The following DOCK2 variants were observed in gnomAD, a reference collection of about 807,000 sequenced individuals.
DOCK2 encodes the protein dedicator of cytokinesis 2.
Under a neutral mutation model 248.9 loss-of-function variants are expected in DOCK2, and 87 were observed. The observed-to-expected ratio is 0.35, with a 90% CI of 0.29 to 0.42. The LOEUF (loss-of-function observed/expected upper bound fraction) is 0.42. Ranked by LOEUF, DOCK2 falls within the 10% of genes least tolerant of loss-of-function variation. The pLI is 1.00. For missense variants in DOCK2, 1,747 were observed against 2,300.2 expected (o/e 0.76, Z 4.92); for synonymous variants, 805 against 821.6 (o/e 0.98, Z 0.35).
intron 27 of DOCK2, among the ~76,000 whole-genome samples, chr5:169,878,426 A>G (rs1772452174): frequency 6.6e-6 from 1 of 152,250 alleles, no homozygotes; most frequent in South Asian, 2.1e-4. Flanking sequence ...AATTACAAAA[A>G]GTATTTAAAA....
At chr5:169,785,633 T>C (rs1366037868) in intron 25 of DOCK2, among the ~76,000 whole-genome samples, 1 of 152,226 alleles carries the variant, frequency 6.6e-6, no homozygotes, top group African/African-American at 2.4e-5. Context: ...TCTTCCAGTA[T>C]TGCTTAATTT....
intron 26 of DOCK2, among the ~76,000 whole-genome samples, chr5:169,829,155 G>T (rs1198870945): frequency 6.6e-6 from 1 of 152,062 alleles, no homozygotes; most frequent in Non-Finnish European, 1.5e-5. Flanking sequence ...TTGTGAAGCT[G>T]GGAAATGGAA....
chr5:169,912,721 TTA>T (rs1381912462), intron 27 of DOCK2, among the ~76,000 whole-genome samples: 4 of 152,134 alleles, frequency 2.6e-5, no homozygotes, highest in African/African-American at 9.7e-5. Flanking sequence ...GTGGTCCAGC[TTA>T]TTGTCCAATG....
intron 27 of DOCK2, among the ~76,000 whole-genome samples, chr5:169,955,626 A>G (rs1776834193): frequency 6.6e-6 from 1 of 152,198 alleles, no homozygotes; most frequent in African/African-American, 2.4e-5. Flanking sequence ...CCGTGTATGA[A>G]GCAGTATCAT....
Position 169,780,509 on chromosome 5 carries a change from G to A in DOCK2, c.2554+18884G>A, listed in dbSNP as rs754234861. ...CCTGTTCGTATTTGTTTCATCATAA[G>A]CCAAACAAAAGCACTGAGAATCCAT... On this transcript the variant is annotated intron_variant, in intron 25 of 51. Coordinates refer to ENST00000520908, the MANE Select transcript of DOCK2 (RefSeq NM_004946.3). Among the ~76,000 whole-genome samples the A allele has an allele frequency of 1.8e-4, 28 of 152,214 alleles. No individual in the cohort carries two copies. The Middle Eastern group carries it at 0.014, about 74-fold the overall frequency.
intron 25 of DOCK2, among the ~76,000 whole-genome samples, chr5:169,798,859 C>T (rs145609491): frequency 6.6e-6 from 1 of 152,350 alleles, no homozygotes; most frequent in East Asian, 1.9e-4. Context: ...GTAGGTCCAA[C>T]TGACCTCATT....
intron 43 of DOCK2, chr5:170,057,321 C>A: frequency 1.9e-6 from 1 of 526,410 alleles, no homozygotes; most frequent in East Asian, 3.5e-5. Context: ...TCAATATTGC[C>A]TAAAAATTCA....
chr5:169,674,401 G>C lies in DOCK2; in HGVS notation c.426G>C (p.Lys142Asn). 4 of 1,614,160 alleles carry C rather than the reference G, an allele frequency of 2.5e-6. No individual in the cohort carries two copies. Among genetic ancestry groups the C allele is most frequent in the Non-Finnish European group, 3.4e-6 (4 of 1,179,998 alleles). The change falls in exon 6 of 52, where the codon AAG (lysine) becomes AAC (asparagine). Residue 142 changes from lysine (K) to asparagine (N), a missense_variant. Physicochemically the swap from Lys to Asn is moderately conservative, Grantham distance 94 (BLOSUM62 0). Transcript: ENST00000520908. ...GAACCTTACCCAAGGATGAGCTGAAGGAACTGAAGCAGAAAGTCACGTCCA... is the reference window on the plus strand; with the variant it reads ...GAACCTTACCCAAGGATGAGCTGAACGAACTGAAGCAGAAAGTCACGTCCA... ...LSGTLPKDEL[K>N]ELKQKVTSKI...
chr5:169,746,362 G>C (rs1763612108), intron 22 of DOCK2, among the ~76,000 whole-genome samples: 1 of 152,150 alleles, frequency 6.6e-6, no homozygotes. Flanking sequence ...GTGCTGAGGG[G>C]GCTGTGACTG....
rs184054993 is a variant in DOCK2, at chr5:169,992,685, G to A, written c.2994-3401G>A. Among the ~76,000 whole-genome samples the A allele has an allele frequency of 3.4e-3, 512 of 152,006 alleles. 4 individuals are homozygous for A. The highest frequency in any genetic ancestry group is 0.012 in the African/African-American group (487 of 41,466). ...TCACCATGTTGGCCAGGCTAGTCTC[G>A]AACTCCTGACCTCATGATCCACCCA... On this transcript the variant is annotated intron_variant, in intron 29 of 51. Transcript: ENST00000520908.
chr5:169,660,326 C>A (rs1382738526), intron 2 of DOCK2, among the ~76,000 whole-genome samples: 1 of 152,126 alleles, frequency 6.6e-6, no homozygotes, highest in African/African-American at 2.4e-5. Context: ...AGAGTGAGAT[C>A]TTCTCTCTAA....
intron 2 of DOCK2, among the ~76,000 whole-genome samples, chr5:169,655,728 GTACATATA>G (rs891653379): frequency 6.6e-6 from 1 of 151,950 alleles, no homozygotes; most frequent in African/African-American, 2.4e-5. Flanking sequence ...ACATACATAT[GTACATATA>G]TACACATATG....
intron 27 of DOCK2, among the ~76,000 whole-genome samples, chr5:169,847,745 C>G (rs1725934500): frequency 1.3e-5 from 2 of 152,142 alleles, no homozygotes; most frequent in African/African-American, 4.8e-5. Context: ...GCCTGTAGAA[C>G]TGTGTTGAGG....
intron 29 of DOCK2, among the ~76,000 whole-genome samples, chr5:169,993,297 T>G (rs1014865269): frequency 6.6e-6 from 1 of 152,290 alleles, no homozygotes; most frequent in South Asian, 2.1e-4. Flanking sequence ...TATTTCTGTT[T>G]TTGTATGGTG....
At chr5:169,805,717 GGT>G (rs1432160558) in intron 26 of DOCK2, among the ~76,000 whole-genome samples, 1 of 152,202 alleles carries the variant, frequency 6.6e-6, no homozygotes, top group Non-Finnish European at 1.5e-5. Flanking sequence ...ATCAGACACT[GGT>G]GAGAAGAGGC....
chr5:169,933,838 C>G (rs771171324), intron 27 of DOCK2, among the ~76,000 whole-genome samples: 2 of 152,128 alleles, frequency 1.3e-5, no homozygotes, highest in Non-Finnish European at 2.9e-5. Context: ...TGGCTGGCGT[C>G]CAGACTTACT....
In DOCK2 at chr5:169,853,655, C is replaced by T. The variant is rs549351169; in HGVS notation, c.2799+12803C>T. ...GAGGGGAAAGAAATATGGCCCCTCA[C>T]CAGAGGGCTTCGATCTCCCAGAGCT... On this transcript the variant is annotated intron_variant, in intron 27 of 51. Coordinates refer to ENST00000520908, the MANE Select transcript of DOCK2 (RefSeq NM_004946.3). Among the ~76,000 whole-genome samples the T allele has an allele frequency of 3.0e-3, 451 of 152,110 alleles. 2 individuals carry two copies. Among genetic ancestry groups the T allele is most frequent in the Non-Finnish European group, 5.1e-3 (344 of 67,986 alleles).
In DOCK2 at chr5:170,083,016, T is replaced by G. The variant is rs1045176; in HGVS notation, c.*158T>G. 0.19 allele frequency: 162,992 copies of G among 875,472 alleles called. 21,767 individuals carry two copies. Among genetic ancestry groups the G allele is most frequent in the African/African-American group, 0.53 (31,538 of 59,412 alleles). 54.2% of individuals were successfully genotyped at this position (875,472 alleles called of 1,614,324 possible). On this transcript the variant is annotated 3_prime_UTR_variant, in exon 52 of 52. Transcript: ENST00000520908. ...GAGAGGCCAATCAGGTCCCAGAGCT[T>G]GAATGCTAACAAGCCCAGCATCCCC... is the stretch of plus-strand genomic sequence containing the variant.
intron 15 of DOCK2, among the ~76,000 whole-genome samples, chr5:169,709,417 T>C (rs935695837): frequency 6.6e-6 from 1 of 152,174 alleles, no homozygotes; most frequent in Non-Finnish European, 1.5e-5. Flanking sequence ...AATAACGTTT[T>C]AGGCCAGGTG....
Sources: allele counts gnomAD v4.1 joint callset (sites outside exome capture counted in the v4.1 genomes callset), GRCh38; gene constraint gnomAD v4.1.1; transcripts MANE v1.5; gene names NCBI Gene and HGNC (gene_info 2026-07-23, HGNC 2026-07-21).